Variants in WDFY3 observed in about 807,000 individuals in gnomAD.
The protein encoded by WDFY3 is WD repeat and FYVE domain containing 3.
In WDFY3, 66 loss-of-function variants were observed where a neutral mutation model predicts 409.6. The observed-to-expected ratio is 0.16, with a 90% CI of 0.13 to 0.20. The LOEUF (loss-of-function observed/expected upper bound fraction) is 0.20, where lower values mean the gene tolerates loss of function less well. WDFY3 is among the 10% of genes least tolerant of loss of function. The pLI, the probability that WDFY3 is intolerant of heterozygous loss-of-function variation, is 1.00. For synonymous variants in WDFY3, 1,521 were observed against 1,537.1 expected, an observed-to-expected ratio of 0.99 and a Z score of 0.25; for missense variants, 3,031 against 4,298.1, an observed-to-expected ratio of 0.71 and a Z score of 8.24.
At chr4:84,913,969 TC>T (rs2150772042) in intron 2 of WDFY3, among the ~76,000 whole-genome samples, 1 of 152,254 alleles carries the variant, frequency 6.6e-6, no homozygotes, top group South Asian at 2.1e-4. Flanking sequence ...TTTATGATGA[TC>T]CACTTTCACT....
intron 1 of WDFY3, among the ~76,000 whole-genome samples, chr4:84,958,080 T>C (rs1774465409): frequency 6.6e-6 from 1 of 152,230 alleles, no homozygotes; most frequent in Non-Finnish European, 1.5e-5. Flanking sequence ...TGGCATTTCT[T>C]GCGCATAAGA....
intron 3 of WDFY3, among the ~76,000 whole-genome samples, chr4:84,862,849 G>A (rs1282193840): frequency 1.3e-5 from 2 of 152,130 alleles, no homozygotes; most frequent in African/African-American, 4.8e-5. Context: ...AATTAGCCGG[G>A]CGTGGTGGCA....
At chr4:84,900,903 G>C (rs1425276696) in intron 2 of WDFY3, among the ~76,000 whole-genome samples, 2 of 152,224 alleles carry the variant, frequency 1.3e-5, no homozygotes, top group African/African-American at 2.4e-5. Context: ...TGTGATAACA[G>C]AATACATGAA....
At chr4:84,850,928 G>GGTTTT (rs1758863108) in intron 4 of WDFY3, among the ~76,000 whole-genome samples, 1 of 46,220 alleles carries the variant, frequency 2.2e-5, no homozygotes, top group African/African-American at 9.3e-5. Context: ...TTATTTATCT[G>GGTTTT]TTTTTTTTTT....
intron 38 of WDFY3, among the ~76,000 whole-genome samples, chr4:84,740,911 T>C (rs1738295963): frequency 6.6e-6 from 1 of 152,234 alleles, no homozygotes; most frequent in South Asian, 2.1e-4. Context: ...AGAGCCTATG[T>C]ATCTGTGTAG....
chr4:84,764,613 G>C (rs1743284436), intron 32 of WDFY3, among the ~76,000 whole-genome samples: 1 of 152,102 alleles, frequency 6.6e-6, no homozygotes, highest in Admixed American at 6.5e-5. Flanking sequence ...TGTAATCCCA[G>C]CACTTTAGGA....
chr4:84,741,737 C>T (rs765901028), intron 38 of WDFY3, 24 bp downstream of exon 38: 3 of 1,585,416 alleles, frequency 1.9e-6, no homozygotes, highest in South Asian at 2.3e-5. Flanking sequence ...ATGTACTCTA[C>T]AACTGATAGT....
At chr4:84,864,506 TTTTA>T (rs1452368519) in intron 3 of WDFY3, among the ~76,000 whole-genome samples, 1 of 152,206 alleles carries the variant, frequency 6.6e-6, no homozygotes, top group Non-Finnish European at 1.5e-5. Flanking sequence ...AAAGAAATCT[TTTTA>T]TTTATCAATG....
chr4:84,947,228 AGG>A (rs1772970703), intron 1 of WDFY3, among the ~76,000 whole-genome samples: 5 of 151,606 alleles, frequency 3.3e-5, no homozygotes, highest in African/African-American at 1.2e-4. Flanking sequence ...AATTCCTGCT[AGG>A]GGCCGGGCAC....
chr4:84,915,934 G>A (rs932871565), intron 2 of WDFY3, among the ~76,000 whole-genome samples: 1 of 152,140 alleles, frequency 6.6e-6, no homozygotes, highest in Non-Finnish European at 1.5e-5. Flanking sequence ...GGAATGCTAT[G>A]ATTTTCCACA....
chr4:84,938,011 A>G (rs1425268538), intron 1 of WDFY3, among the ~76,000 whole-genome samples: 1 of 152,132 alleles, frequency 6.6e-6, no homozygotes, highest in African/African-American at 2.4e-5. Flanking sequence ...TGGGGCCATT[A>G]TTAAGTAAAA....
At chr4:84,797,189 GAGATAAATGGCA>G (rs1302249356) in intron 18 of WDFY3, among the ~76,000 whole-genome samples, 1 of 152,046 alleles carries the variant, frequency 6.6e-6, no homozygotes, top group Non-Finnish European at 1.5e-5. Context: ...AAACAAATTA[GAGATAAATGGCA>G]GAAACTTGCT....
intron 30 of WDFY3, 27 bp from the exon 31 acceptor site, chr4:84,766,399 C>A (rs1041488513): frequency 1.3e-6 from 2 of 1,568,416 alleles, no homozygotes; most frequent in Non-Finnish European, 1.7e-6. Context: ...TACATTAAAT[C>A]TCCCTAGTAG....
intron 2 of WDFY3, among the ~76,000 whole-genome samples, chr4:84,910,324 A>G (rs1767592519): frequency 6.6e-6 from 1 of 152,196 alleles, no homozygotes; most frequent in South Asian, 2.1e-4. Context: ...CACAGATACA[A>G]GGGATGATTG....
intron 3 of WDFY3, among the ~76,000 whole-genome samples, chr4:84,881,453 C>T (rs534230297): frequency 6.6e-6 from 1 of 152,196 alleles, no homozygotes; most frequent in East Asian, 1.9e-4. Flanking sequence ...CTTCCTTTCA[C>T]CAAATCTTTT....
At chr4:84,729,646 T>C (rs894551070) in intron 44 of WDFY3, among the ~76,000 whole-genome samples, 1 of 150,852 alleles carries the variant, frequency 6.6e-6, no homozygotes, top group African/African-American at 2.4e-5. Context: ...TTATACAGCA[T>C]GTAACATTAT....
chr4:84,800,038 C>G lies in WDFY3; in HGVS notation c.2822+1612G>C, dbSNP rs79229639. On this transcript the variant is annotated intron_variant, in intron 17 of 67. Transcript: ENST00000295888. ...AAAGTAGCAGATTACCAAAAAGGAT[C>G]AGGGGAAAATCTCAATGCTATTTTC... Among the ~76,000 whole-genome samples, 1,351 of 152,204 alleles carry G rather than the reference C, an allele frequency of 8.9e-3. 18 individuals carry two copies. Among genetic ancestry groups the G allele is most frequent in the African/African-American group, 0.031 (1,288 of 41,542 alleles).
chr4:84,948,994 A>G (rs1293969070), intron 1 of WDFY3, among the ~76,000 whole-genome samples: 1 of 152,078 alleles, frequency 6.6e-6, no homozygotes, highest in Non-Finnish European at 1.5e-5. Context: ...GGTTGACTGA[A>G]TTATTCTCTG....
At chr4:84,731,229 A>C (rs1300853376) in intron 44 of WDFY3, among the ~76,000 whole-genome samples, 1 of 152,182 alleles carries the variant, frequency 6.6e-6, no homozygotes. Flanking sequence ...TGTAAATATT[A>C]GCTCCTCTTT....
Sources: gnomAD v4.1 joint callset for allele counts (sites outside exome capture counted in the v4.1 genomes callset) on GRCh38, gnomAD v4.1.1 for gene constraint, MANE v1.5 for transcripts, NCBI Gene and HGNC (gene_info 2026-07-23, HGNC 2026-07-21) for gene names.